Variants in MYO16 observed in about 807,000 individuals in gnomAD.
MYO16 encodes unconventional myosin-XVI.
A neutral mutation model predicts 205.3 loss-of-function variants in MYO16; 94 were observed. That is an observed-to-expected ratio of 0.46 (90% CI 0.39 to 0.54). The LOEUF is 0.54. MYO16 is among the 20% of genes least tolerant of loss of function. The pLI, the probability that MYO16 is intolerant of heterozygous loss-of-function variation, is 0.00. For synonymous variants in MYO16, 988 were observed against 954.0 expected, an observed-to-expected ratio of 1.04 and a Z score of -0.66; for missense variants, 2,315 against 2,387.5, an observed-to-expected ratio of 0.97 and a Z score of 0.63.
At chr13:109,135,045 C>T (rs961522051) in intron 31 of MYO16, among the ~76,000 whole-genome samples, 3 of 152,276 alleles carry the variant, frequency 2.0e-5, no homozygotes, top group African/African-American at 7.2e-5. Context: ...GCCTCCGGTA[C>T]GATTCCTGAG....
intron 27 of MYO16, among the ~76,000 whole-genome samples, chr13:109,059,261 G>T (rs970828783): frequency 6.6e-6 from 1 of 152,112 alleles, no homozygotes; most frequent in Non-Finnish European, 1.5e-5. Context: ...AGTTTGCTTT[G>T]CCCAAATTCA....
At chr13:108,582,329 A>G in the MYO16 span, among the ~76,000 whole-genome samples, 1 of 152,210 alleles carries the variant, frequency 6.6e-6, no homozygotes, top group Non-Finnish European at 1.5e-5. Flanking sequence ...GTACAAGTCT[A>G]CCCAGTTCCA....
At chr13:109,177,097 T>C (rs1879232616) in intron 33 of MYO16, among the ~76,000 whole-genome samples, 1 of 152,210 alleles carries the variant, frequency 6.6e-6, no homozygotes, top group South Asian at 2.1e-4. Context: ...GGCATGTCCT[T>C]CTCGACTTTG....
chr13:108,677,863 T>G (rs1043250245), intron 2 of MYO16, among the ~76,000 whole-genome samples: 1 of 152,218 alleles, frequency 6.6e-6, no homozygotes, highest in African/African-American at 2.4e-5. Flanking sequence ...TCCATCGAGT[T>G]TTAGACAGTA....
intron 9 of MYO16, among the ~76,000 whole-genome samples, chr13:108,828,639 A>G (rs1187477701): frequency 1.3e-5 from 2 of 152,182 alleles, no homozygotes; most frequent in African/African-American, 4.8e-5. Context: ...TAGTCATGCC[A>G]GAAAAACCAA....
At chr13:108,506,879 AT>A in the MYO16 span, among the ~76,000 whole-genome samples, 19 of 151,764 alleles carry the variant, frequency 1.3e-4, no homozygotes, top group Non-Finnish European at 1.8e-4. Flanking sequence ...AGTTTGTTGA[AT>A]TTTTTTTACC....
intron 11 of MYO16, among the ~76,000 whole-genome samples, chr13:108,859,211 A>G (rs978388392): frequency 2.0e-5 from 3 of 152,314 alleles, no homozygotes; most frequent in East Asian, 1.9e-4. Flanking sequence ...TATCATGCCC[A>G]TACCCACTAG....
intron 13 of MYO16, among the ~76,000 whole-genome samples, chr13:108,883,862 C>G (rs1051801174): frequency 6.6e-6 from 1 of 152,112 alleles, no homozygotes; most frequent in African/African-American, 2.4e-5. Context: ...TGGGCTCAAG[C>G]GATCCTCTTG....
intron 9 of MYO16, among the ~76,000 whole-genome samples, chr13:108,827,714 T>G (rs901611591): frequency 6.6e-6 from 1 of 152,190 alleles, no homozygotes; most frequent in African/African-American, 2.4e-5. Flanking sequence ...TGCTCCTCAG[T>G]TCCTTCTGAC....
At chr13:109,080,153 G>T (rs920587099) in intron 27 of MYO16, among the ~76,000 whole-genome samples, 1 of 152,044 alleles carries the variant, frequency 6.6e-6, no homozygotes, top group Non-Finnish European at 1.5e-5. Context: ...GGGATTACAG[G>T]CATGAGCCAC....
At chr13:108,505,973 T>C in the MYO16 span, among the ~76,000 whole-genome samples, 1 of 152,140 alleles carries the variant, frequency 6.6e-6, no homozygotes, top group Admixed American at 6.5e-5. Flanking sequence ...TTTAACTTTA[T>C]ACACAAGAAT....
At chr13:109,171,990 C>G (rs796923807) in intron 33 of MYO16, among the ~76,000 whole-genome samples, 2 of 152,124 alleles carry the variant, frequency 1.3e-5, no homozygotes, top group East Asian at 3.9e-4. Flanking sequence ...CCATCATTTG[C>G]AGGACCAGGA....
chr13:108,996,025 G>T (rs562402738), intron 21 of MYO16, among the ~76,000 whole-genome samples: 5 of 152,152 alleles, frequency 3.3e-5, no homozygotes, highest in African/African-American at 1.2e-4. Context: ...TCAGTGTGGC[G>T]ATTCCTCAGG....
chr13:109,009,549 A>G (rs1421908356), intron 22 of MYO16, among the ~76,000 whole-genome samples: 3 of 152,186 alleles, frequency 2.0e-5, no homozygotes, highest in South Asian at 2.1e-4. Flanking sequence ...TAGTTTTTCT[A>G]CTTTACAATG....
intron 10 of MYO16, among the ~76,000 whole-genome samples, chr13:108,847,987 G>A (rs1459113505): frequency 1.3e-5 from 2 of 152,142 alleles, no homozygotes; most frequent in African/African-American, 4.8e-5. Context: ...ATGACAGCCT[G>A]GAGTAGAGAG....
chr13:108,832,605 G>A (rs1384691510), intron 9 of MYO16, among the ~76,000 whole-genome samples: 2 of 152,084 alleles, frequency 1.3e-5, no homozygotes, highest in South Asian at 2.1e-4. Context: ...GTCCCAGTTG[G>A]CACCTTAAGT....
chr13:108,873,272 CGAG>C (rs1173632642), intron 12 of MYO16, among the ~76,000 whole-genome samples: 6 of 152,248 alleles, frequency 3.9e-5, no homozygotes, highest in African/African-American at 1.4e-4. Context: ...ATTATAAAGA[CGAG>C]GAGAATGACT....
intron 3 of MYO16, among the ~76,000 whole-genome samples, chr13:108,725,016 C>T (rs561058887): frequency 7.2e-4 from 110 of 152,142 alleles, no homozygotes; most frequent in African/African-American, 2.4e-3. Flanking sequence ...CTTTCCTTGT[C>T]ATATTTTGTT....
chr13:108,914,276 T>C (rs926485231), intron 16 of MYO16, among the ~76,000 whole-genome samples: 1 of 151,310 alleles, frequency 6.6e-6, no homozygotes, highest in Admixed American at 6.6e-5. Context: ...TCTACTATTA[T>C]TAAGAATGGC....
Sources: gnomAD v4.1 joint callset for allele counts (sites outside exome capture counted in the v4.1 genomes callset) on GRCh38, gnomAD v4.1.1 for gene constraint, MANE v1.5 for transcripts, NCBI Gene and HGNC (gene_info 2026-07-23, HGNC 2026-07-21) for gene names.